The following ZNF566 variants were observed in gnomAD, a reference collection of about 807,000 sequenced individuals.
ZNF566 encodes zinc finger protein 566.
ZNF566 carries 27 observed loss-of-function variants against 32.8 expected under a neutral mutation model. The ratio of observed to expected loss-of-function variants is 0.82; its 90% CI spans 0.61 to 1.14. The LOEUF is 1.14. Ranked by LOEUF, ZNF566 falls within the 50% of genes most tolerant of loss-of-function variation. ZNF566 has a pLI of 0.00. For synonymous variants in ZNF566, 154 were observed against 159.5 expected (o/e 0.97, Z 0.26); for missense variants, 402 against 490.4 (o/e 0.82, Z 1.70).
In ZNF566 at chr19:36,467,394, C is replaced by T. The variant is rs117731673; in HGVS notation, c.232+5517G>A. Reference sequence around the variant, plus strand: ...AGGTTGAAGTGAGCGAAGATCGCACCGCTGCACTCCAGCCTGGGCAACAAT... The same window carrying T: ...AGGTTGAAGTGAGCGAAGATCGCACTGCTGCACTCCAGCCTGGGCAACAAT... On this transcript the variant is annotated intron_variant, in intron 4 of 4. Coordinates refer to ENST00000452939, the MANE Select transcript of ZNF566 (RefSeq NM_001145344.1). Among the ~76,000 whole-genome samples the T allele has an allele frequency of 1.4e-4, 20 of 147,780 alleles. No individual in the cohort carries two copies. The East Asian group carries it at 2.9e-3, about 22-fold the overall frequency.
intron 4 of ZNF566, among the ~76,000 whole-genome samples, chr19:36,461,850 T>C (rs1310914697): frequency 3.9e-5 from 6 of 152,172 alleles, no homozygotes; most frequent in African/African-American, 1.2e-4. Context: ...GGATTTGTCC[T>C]GTGTGTACAC....
At chr19:36,462,956 CAAAAAAAAAAAAAAAAAAAAA>C (rs755283751) in intron 4 of ZNF566, among the ~76,000 whole-genome samples, 1 of 38,558 alleles carries the variant, frequency 2.6e-5, no homozygotes, top group East Asian at 1.2e-3. Context: ...GACTCTGTCT[CAAAAAAAAAAAAAAAAAAAAA>C]AAAAAAAAAA....
intron 1 of ZNF566, among the ~76,000 whole-genome samples, chr19:36,477,625 G>A (rs542906597): frequency 6.1e-5 from 9 of 147,610 alleles, no homozygotes; most frequent in South Asian, 2.2e-4. Context: ...TGCAAGCTCC[G>A]CCTCCCAGGT....
At chr19:36,472,854 A>G (rs760031560) in intron 4 of ZNF566, 57 bp downstream of exon 4, 3 of 1,398,928 alleles carry the variant, frequency 2.1e-6, no homozygotes, top group Non-Finnish European at 3.0e-6. Flanking sequence ...GATAGCATCT[A>G]AAAGATGCAG....
intron 4 of ZNF566, among the ~76,000 whole-genome samples, chr19:36,472,288 C>T (rs2033784221): frequency 2.6e-5 from 4 of 152,176 alleles, no homozygotes; most frequent in Admixed American, 2.6e-4. Flanking sequence ...TGTGGATCAA[C>T]CCCTCTTCTA....
In ZNF566 at chr19:36,449,964, C is replaced by T. The variant is rs1568508176; in HGVS notation, c.270G>A (p.Leu90=). 1.2e-6 allele frequency: 2 copies of T among 1,610,432 alleles called. No homozygotes were observed. Among genetic ancestry groups the T allele is most frequent in the Non-Finnish European group, 1.7e-6 (2 of 1,178,996 alleles). The change falls in exon 5 of 5, where the codon CTG becomes CTA. Residue 90 remains leucine, a synonymous_variant. Coordinates refer to ENST00000452939, the MANE Select transcript of ZNF566 (RefSeq NM_001145344.1). Reference sequence around the variant, plus strand: ...ATTCTATTTCATAAATTTCTTTCTTCAGAAATAATTTCTTGGTCTCACATC... The same window carrying T: ...ATTCTATTTCATAAATTTCTTTCTTTAGAAATAATTTCTTGGTCTCACATC... ...ESRCETKKLF[L]KKEIYEIEST... is the part of the protein sequence containing the mutation.
chr19:36,466,892 C>A (rs1046963567), intron 4 of ZNF566, among the ~76,000 whole-genome samples: 1 of 151,554 alleles, frequency 6.6e-6, no homozygotes, highest in African/African-American at 2.4e-5. Context: ...CACGGTGAAA[C>A]CCCATCTCTA....
chr19:36,470,698 G>A (rs1194015939), intron 4 of ZNF566, among the ~76,000 whole-genome samples: 2 of 151,890 alleles, frequency 1.3e-5, no homozygotes, highest in African/African-American at 2.4e-5. Flanking sequence ...ATCACCTGAG[G>A]TCAGGATTTC....
intron 1 of ZNF566, among the ~76,000 whole-genome samples, chr19:36,480,703 G>C (rs548276935): frequency 6.6e-6 from 1 of 151,508 alleles, no homozygotes; most frequent in African/African-American, 2.4e-5. Flanking sequence ...TAATTTAAGA[G>C]GGATCACAGA....
Position 36,449,469 on chromosome 19 carries a change from A to T in ZNF566, c.765T>A (p.Tyr255Ter), listed in dbSNP as rs2033085650. Residue 255 changes from tyrosine (Y) to a stop codon, truncating the protein, a stop_gained, in exon 5 of 5, where the codon TAT becomes TAA. Coordinates refer to ENST00000452939, the MANE Select transcript of ZNF566 (RefSeq NM_001145344.1). LOFTEE classifies it high-confidence loss of function. ...HHRIHTGEKP[Y>*]ECKECGKAFS... is the part of the protein sequence containing the mutation. ...AGGCTTTCCCACATTCCTTACATTC[A>T]TAGGGTTTCTCACCAGTGTGAATTC... The T allele has an allele frequency of 1.2e-6, 2 of 1,613,970 alleles. No individual in the cohort carries two copies. The highest frequency in any genetic ancestry group is 2.7e-5 in the African/African-American group (2 of 74,922).
intron 4 of ZNF566, among the ~76,000 whole-genome samples, 160 bp downstream of exon 4, chr19:36,472,751 G>A (rs917098909): frequency 6.6e-6 from 1 of 152,202 alleles, no homozygotes; most frequent in Non-Finnish European, 1.5e-5. Flanking sequence ...AAGTGTGTTA[G>A]GTAAAGGGGA....
chr19:36,456,069 G>C (rs1289488509), intron 4 of ZNF566, among the ~76,000 whole-genome samples: 2 of 151,832 alleles, frequency 1.3e-5, no homozygotes, highest in Non-Finnish European at 2.9e-5. Flanking sequence ...ATAAATGTAT[G>C]TGTATTCAGT....
intron 1 of ZNF566, among the ~76,000 whole-genome samples, chr19:36,480,313 C>G (rs919004181): frequency 6.9e-6 from 1 of 144,802 alleles, no homozygotes; most frequent in African/African-American, 2.6e-5. Context: ...GAGACAGAGT[C>G]TCACTCTGTC....
At chr19:36,460,006 C>T (rs578139943) in intron 4 of ZNF566, among the ~76,000 whole-genome samples, 1 of 151,860 alleles carries the variant, frequency 6.6e-6, no homozygotes, top group Non-Finnish European at 1.5e-5. Flanking sequence ...GAGGTTTCAA[C>T]ACGTTGGCCA....
At chr19:36,483,919 G>A (rs918520878) in intron 1 of ZNF566, among the ~76,000 whole-genome samples, 4 of 151,678 alleles carry the variant, frequency 2.6e-5, no homozygotes, top group East Asian at 1.9e-4. Flanking sequence ...TTTTTGAGAC[G>A]GAGTTTTGCT....
At chr19:36,476,307 A>T (rs1052834723) in intron 2 of ZNF566, 1 of 128,818 alleles carries the variant, frequency 7.8e-6, no homozygotes. Flanking sequence ...CTCCATCTCG[A>T]AAAAAAAAAA....
chr19:36,478,286 CTATGATA>C (rs1325483080), intron 1 of ZNF566, among the ~76,000 whole-genome samples: 3 of 152,112 alleles, frequency 2.0e-5, no homozygotes, highest in African/African-American at 7.2e-5. Flanking sequence ...ACCAAATAGC[CTATGATA>C]TATAATAGCC....
At chr19:36,475,171 G>A (rs1336369325) in intron 2 of ZNF566, among the ~76,000 whole-genome samples, 5 of 152,020 alleles carry the variant, frequency 3.3e-5, no homozygotes, top group African/African-American at 9.7e-5. Flanking sequence ...TCAGCCTCCC[G>A]AGTAGCTGGG....
intron 4 of ZNF566, among the ~76,000 whole-genome samples, chr19:36,465,725 G>A (rs138905559): frequency 1.4e-3 from 211 of 151,752 alleles, no homozygotes; most frequent in African/African-American, 4.8e-3. Context: ...CACCCACCTC[G>A]GCCTCCCAAA....
Sources: gnomAD v4.1 joint callset for allele counts (sites outside exome capture counted in the v4.1 genomes callset) on GRCh38, gnomAD v4.1.1 for gene constraint, MANE v1.5 for transcripts, NCBI Gene and HGNC (gene_info 2026-07-23, HGNC 2026-07-21) for gene names.